ACLY: variants seen among roughly 807,000 people sequenced by gnomAD.
ACLY encodes ATP citrate lyase, also known as ATP-citrate synthase.
A neutral mutation model predicts 133.0 loss-of-function variants in ACLY; 41 were observed. The observed-to-expected ratio is 0.31, with a 90% CI of 0.24 to 0.40. ACLY has a LOEUF of 0.40. Among genes scored for constraint, ACLY ranks in the 10% least tolerant of loss-of-function variants. ACLY has a pLI of 1.00. For synonymous variants in ACLY, 495 were observed against 549.3 expected (o/e 0.90, Z 1.38); for missense variants, 1,046 against 1,453.8 (o/e 0.72, Z 4.56).
chr17:41,897,420 A>G (rs1486818555), intron 13 of ACLY, among the ~76,000 whole-genome samples: 1 of 152,004 alleles, frequency 6.6e-6, no homozygotes, highest in Non-Finnish European at 1.5e-5. Context: ...GAAGAGTCTC[A>G]GAGAACTTTC....
intron 1 of ACLY, among the ~76,000 whole-genome samples, chr17:41,926,599 G>A (rs910439445): frequency 1.2e-4 from 17 of 147,534 alleles, no homozygotes; most frequent in African/African-American, 3.3e-4. Context: ...AGCGATTCTC[G>A]TGCCTCAGCC....
At chr17:41,929,623 G>C (rs1489139555) in intron 1 of ACLY, among the ~76,000 whole-genome samples, 5 of 152,020 alleles carry the variant, frequency 3.3e-5, no homozygotes, top group Non-Finnish European at 7.3e-5. Context: ...TCCCCTATTA[G>C]ATAAAACTCC....
chr17:41,905,586 C>T lies in ACLY; in HGVS notation c.939G>A (p.Glu313=). Residue 313 remains glutamate, a synonymous_variant, in exon 9 of 29, where the codon GAG becomes GAA. Transcript: ENST00000352035. The part of the protein sequence containing the change: ...NYGEYSGAPS[E]QQTYDYAKTI... ...TCTTGGCATAGTCATAGGTCTGCTG[C>T]TCGCTGGGGGCGCCTGAGTACTCCC... 1 of 1,614,180 alleles carries T rather than the reference C, an allele frequency of 6.2e-7. No homozygotes were observed. The highest frequency in any genetic ancestry group is 8.5e-7 in the Non-Finnish European group (1 of 1,180,026).
upstream of ACLY, chr17:41,919,056 T>G (rs1349700248): frequency 4.0e-6 from 5 of 1,259,748 alleles, no homozygotes; most frequent in Non-Finnish European, 5.1e-6. Flanking sequence ...CCACACGCGT[T>G]CCCTAGCCTG....
chr17:41,873,917 C>T lies in ACLY; in HGVS notation c.2536G>A (p.Asp846Asn). The change falls in exon 23 of 29, where the codon GAT becomes AAT. Residue 846 changes from aspartate (D) to asparagine (N), a missense_variant. By Grantham distance (23) the Asp-to-Asn change is conservative (BLOSUM62 1). This residue lies in a region of ACLY where 205 missense variants were observed against 373.3 expected (regional missense o/e 0.55). Coordinates refer to ENST00000352035, the MANE Select transcript of ACLY (RefSeq NM_001096.3). ...TAGATGAGCTCCTGTCCTCGCTCAT[C>T]GCAGATGCTGGTCATGAACGAGGCA... ...KPASFMTSIC[D>N]ERGQELIYAG... 6.2e-7 allele frequency: 1 copy of T among 1,609,766 alleles called. No individual in the cohort carries two copies. The highest frequency in any genetic ancestry group is 8.5e-7 in the Non-Finnish European group (1 of 1,176,970).
chr17:41,896,720 G>C (rs2049378128), intron 13 of ACLY, 71 bp from the exon 14 acceptor site: 6 of 1,404,900 alleles, frequency 4.3e-6, no homozygotes, highest in Non-Finnish European at 5.8e-6. Flanking sequence ...GAGAGGGTGG[G>C]AACAGGGAAG....
intron 10 of ACLY, among the ~76,000 whole-genome samples, chr17:41,904,209 A>C: frequency 9.6e-6 from 1 of 104,276 alleles, no homozygotes; most frequent in Non-Finnish European, 2.0e-5. Context: ...GGAGGGAGGA[A>C]AGGAAGGGAG....
Position 41,897,853 on chromosome 17 carries a change from A to G in ACLY, c.1339-14T>C. 1 of 1,610,838 alleles carries G rather than the reference A, an allele frequency of 6.2e-7. No homozygotes were observed. The highest frequency in any genetic ancestry group is 8.5e-7 in the Non-Finnish European group (1 of 1,178,432). ...GGGGGCTGGCGTCTGGGGTGAGATA[A>G]GGAGAGAGTGTAAGAGGTAAGAGTC... is the stretch of plus-strand genomic sequence containing the variant. On this transcript the variant is annotated splice_polypyrimidine_tract_variant and intron_variant, in intron 12 of 28. Transcript: ENST00000352035.
chr17:41,918,983 C>T, upstream of ACLY: 1 of 1,287,664 alleles, frequency 7.8e-7, no homozygotes, highest in Non-Finnish European at 1.0e-6. Context: ...CGGCTTTTGT[C>T]CCGGCCCAGC....
Position 41,878,187 on chromosome 17 carries a change from G to A in ACLY, c.2403C>T (p.Tyr801=), listed in dbSNP as rs782406364. ...DELGEIIQSV[Y]EDLVANGVIV... ...TGACTCCATTGGCCACGAGATCTTC[G>A]TATACAGACCTGGGAGGCAGGAAAA... is the stretch of plus-strand genomic sequence containing the variant. The change falls in exon 22 of 29, where the codon TAC becomes TAT. Residue 801 remains tyrosine, a synonymous_variant. Coordinates refer to ENST00000352035, the MANE Select transcript of ACLY (RefSeq NM_001096.3). The A allele has an allele frequency of 1.9e-5, 30 of 1,587,456 alleles. 1 individual carries two copies. Among genetic ancestry groups the A allele is most frequent in the South Asian group, 1.4e-4 (12 of 87,496 alleles).
intron 6 of ACLY, 120 bp downstream of exon 6, chr17:41,908,869 G>A: frequency 1.2e-6 from 1 of 801,640 alleles, no homozygotes; most frequent in Non-Finnish European, 2.1e-6. Context: ...CCCTCTGCTT[G>A]TGCACATCTG....
At chr17:41,878,761 A>AG (rs1567888378) in intron 21 of ACLY, 36 bp downstream of exon 21, 1 of 1,611,822 alleles carries the variant, frequency 6.2e-7, no homozygotes, top group Non-Finnish European at 8.5e-7. Flanking sequence ...TTTGGAAAGG[A>AG]GGGGGAGGCC....
chr17:41,894,376 C>CAAAA (rs11351286), intron 14 of ACLY, among the ~76,000 whole-genome samples: 9 of 59,946 alleles, frequency 1.5e-4, no homozygotes, highest in African/African-American at 5.3e-4. Flanking sequence ...GACCCTGTCT[C>CAAAA]AAAAAAAAAA....
At position 41,898,533 on chromosome 17, in the gene ACLY, T is replaced by C. The variant is rs2049436614; in HGVS notation, c.1338+98A>G. The C allele has an allele frequency of 2.0e-6, 3 of 1,466,538 alleles. No individual in the cohort carries two copies. The South Asian group carries it at 4.0e-5, about 20-fold the overall frequency. 90.8% of individuals were successfully genotyped at this position (1,466,538 alleles called of 1,614,324 possible). On this transcript the variant is annotated intron_variant, in intron 12 of 28. Coordinates refer to ENST00000352035, the MANE Select transcript of ACLY (RefSeq NM_001096.3). ...AACCATGCACTAACTCCCGCTGTAT[T>C]TCCTCTATGCCCCCAGGGAACAGAG...
intron 1 of ACLY, among the ~76,000 whole-genome samples, chr17:41,926,944 T>C (rs546646185): frequency 2.0e-4 from 29 of 148,448 alleles, no homozygotes; most frequent in African/African-American, 5.9e-4. Flanking sequence ...TCTTGGCTCA[T>C]CACAACCTCC....
chr17:41,902,136 T>C (rs1555631751), intron 10 of ACLY, among the ~76,000 whole-genome samples: 1 of 152,224 alleles, frequency 6.6e-6, no homozygotes, highest in East Asian at 1.9e-4. Flanking sequence ...GGGATATCTA[T>C]GTTGGGCTCT....
chr17:41,886,837 AT>A (rs1352296551), intron 17 of ACLY, among the ~76,000 whole-genome samples: 3 of 152,110 alleles, frequency 2.0e-5, no homozygotes, highest in Non-Finnish European at 4.4e-5. Flanking sequence ...TCAAAGAATA[AT>A]TTCAGCCAGG....
At position 41,915,688 on chromosome 17, in the gene ACLY, C is replaced by T. The variant is rs113728703; in HGVS notation, c.-23-1792G>A. 1.5e-3 allele frequency among the ~76,000 whole-genome samples: 231 copies of T among 152,260 alleles called. 1 individual carries two copies. The highest frequency in any genetic ancestry group is 5.2e-3 in the African/African-American group (217 of 41,552). On this transcript the variant is annotated intron_variant, in intron 1 of 28. Coordinates refer to ENST00000352035, the MANE Select transcript of ACLY (RefSeq NM_001096.3). The stretch of plus-strand genomic sequence containing the variant: ...CCTTCTCAGTATGAGTTTCCAGAGA[C>T]GTCCCAACCACCTCACTGCCCCACG...
chr17:41,901,287 G>A (rs1163812361), intron 11 of ACLY, among the ~76,000 whole-genome samples: 1 of 151,914 alleles, frequency 6.6e-6, no homozygotes, highest in Admixed American at 6.6e-5. Flanking sequence ...TCTCCCTGTT[G>A]AAGGCTGCCC....
Sources: gnomAD v4.1 joint callset for allele counts (sites outside exome capture counted in the v4.1 genomes callset) on GRCh38, gnomAD v4.1.1 for gene constraint, gnomAD v4.1.1 regional missense constraint, MANE v1.5 for transcripts, NCBI Gene and HGNC (gene_info 2026-07-23, HGNC 2026-07-21) for gene names.